The following MICU1 variants were observed in gnomAD, a reference collection of about 807,000 sequenced individuals.
MICU1 encodes the protein mitochondrial calcium uptake 1.
In MICU1, 45 loss-of-function variants were observed where a neutral mutation model predicts 56.8. That is an observed-to-expected ratio of 0.79 (90% CI 0.62 to 1.02). The LOEUF (loss-of-function observed/expected upper bound fraction) is 1.02. Ranked by LOEUF, MICU1 falls within the 50% of genes least tolerant of loss-of-function variation. MICU1 has a pLI of 0.00. For synonymous variants in MICU1, 186 were observed against 195.1 expected, an observed-to-expected ratio of 0.95 and a Z score of 0.39; for missense variants, 504 against 587.1, an observed-to-expected ratio of 0.86 and a Z score of 1.46.
In MICU1 at chr10:72,546,840, C is replaced by T. The variant is rs541667308; in HGVS notation, c.493+4339G>A. On this transcript the variant is annotated intron_variant, in intron 4 of 11. Transcript: ENST00000361114. ...TCCTGGGTTCAAGTGATCCCTCCAC[C>T]TCAGCCTCCCAAGTAGCTGAGACTA... is the stretch of plus-strand genomic sequence containing the variant. Among the ~76,000 whole-genome samples the T allele has an allele frequency of 1.4e-4, 22 of 152,206 alleles. No individual in the cohort carries two copies. The East Asian group carries it at 3.7e-3, about 25-fold the overall frequency.
chr10:72,479,295 TTAAAA>T (rs1186848413), intron 6 of MICU1, among the ~76,000 whole-genome samples: 1 of 152,174 alleles, frequency 6.6e-6, no homozygotes, highest in Non-Finnish European at 1.5e-5. Flanking sequence ...ATAGAGGTAC[TTAAAA>T]TGATAAACAC....
chr10:72,599,202 C>T (rs1283503772), intron 1 of MICU1, among the ~76,000 whole-genome samples: 3 of 152,160 alleles, frequency 2.0e-5, no homozygotes, highest in Non-Finnish European at 4.4e-5. Flanking sequence ...TAACACAAAG[C>T]ATTCCTAAAC....
intron 3 of MICU1, among the ~76,000 whole-genome samples, chr10:72,560,908 A>G (rs1355234134): frequency 6.6e-6 from 1 of 152,214 alleles, no homozygotes; most frequent in Admixed American, 6.5e-5. Context: ...TGGCATAAAA[A>G]TGTGGTTTAT....
intron 9 of MICU1, among the ~76,000 whole-genome samples, chr10:72,413,715 CAGAGGGAGA>C (rs1863896331): frequency 6.6e-6 from 1 of 151,798 alleles, no homozygotes; most frequent in Non-Finnish European, 1.5e-5. Flanking sequence ...GCCTGGGCGA[CAGAGGGAGA>C]CCCTGTCTCA....
chr10:72,551,360 A>G lies in MICU1; in HGVS notation c.331-19T>C, dbSNP rs756145980. ...CCATCACCTAAAGTTAGAAATTTAG[A>G]AAGTGTTACTATATTAAGCAATGCT... is the stretch of plus-strand genomic sequence containing the variant. On this transcript the variant is annotated intron_variant, in intron 3 of 11. Coordinates refer to ENST00000361114, the MANE Select transcript of MICU1 (RefSeq NM_001195518.2). 5.7e-6 allele frequency: 9 copies of G among 1,587,126 alleles called. No individual in the cohort carries two copies. The highest frequency in any genetic ancestry group is 7.7e-6 in the Non-Finnish European group (9 of 1,165,410).
intron 1 of MICU1, among the ~76,000 whole-genome samples, chr10:72,596,687 AC>A: frequency 6.6e-6 from 1 of 151,496 alleles, no homozygotes; most frequent in Admixed American, 6.6e-5. Flanking sequence ...ACCCTGGCCA[AC>A]ATGGTGAAAC....
intron 6 of MICU1, chr10:72,501,851 T>G (rs1867078344): frequency 6.6e-6 from 1 of 152,172 alleles, no homozygotes; most frequent in South Asian, 2.1e-4. Context: ...AAACTCTTAT[T>G]TAGAAAAACC....
intron 1 of MICU1, among the ~76,000 whole-genome samples, chr10:72,577,375 G>A (rs1840775410): frequency 6.6e-6 from 1 of 152,180 alleles, no homozygotes; most frequent in East Asian, 1.9e-4. Flanking sequence ...CAGGCATGGT[G>A]GCACATGCCT....
chr10:72,573,162 A>G (rs147112118), intron 1 of MICU1, among the ~76,000 whole-genome samples: 1 of 152,176 alleles, frequency 6.6e-6, no homozygotes, highest in East Asian at 1.9e-4. Context: ...AAAAAAGTTC[A>G]TAGTGTTATC....
chr10:72,529,946 C>CTTTTTT lies in MICU1; in HGVS notation c.537+3794_537+3799dup, dbSNP rs11338457. On this transcript the variant is annotated intron_variant, in intron 5 of 11. Transcript: ENST00000361114. ...AATACATGGATACTAGGGGAAGGTG[C>CTTTTTT]TTTTTTTTTTTTTTTTTTTTTTTCT... Among the ~76,000 whole-genome samples, 271 of 100,802 alleles carry CTTTTTT rather than the reference C, an allele frequency of 2.7e-3. 2 individuals are homozygous for CTTTTTT. Among genetic ancestry groups the CTTTTTT allele is most frequent in the African/African-American group, 3.7e-3 (100 of 26,712 alleles). The allele number at this position is 100,802 out of a possible 152,430, so 66.1% of individuals were successfully genotyped here.
At chr10:72,377,403 A>G (rs1862560670) in intron 10 of MICU1, among the ~76,000 whole-genome samples, 1 of 152,094 alleles carries the variant, frequency 6.6e-6, no homozygotes, top group Non-Finnish European at 1.5e-5. Flanking sequence ...TACAGGGGTG[A>G]GCCACCACAC....
intron 5 of MICU1, chr10:72,524,612 G>T: frequency 1.7e-6 from 1 of 575,380 alleles, no homozygotes; most frequent in Non-Finnish European, 2.6e-6. Context: ...TGACAGGAAC[G>T]AAATCATTCT....
At chr10:72,500,282 A>ATT (rs1463973429) in intron 6 of MICU1, among the ~76,000 whole-genome samples, 1,522 of 13,784 alleles carry the variant, frequency 0.11, 72 homozygotes, top group African/African-American at 0.19. Flanking sequence ...ATATATATAT[A>ATT]TATATATATA....
In MICU1 at chr10:72,551,257, C is replaced by T. The variant is rs1414013668; in HGVS notation, c.415G>A (p.Glu139Lys). 1.9e-6 allele frequency: 3 copies of T among 1,613,360 alleles called. No homozygotes were observed. In the African/African-American group the frequency reaches 4.0e-5, roughly 22 times the overall value. Residue 139 changes from glutamate to lysine, a missense_variant, in exon 4 of 12, where the codon GAG becomes AAG. Glu to Lys is a moderately conservative substitution (Grantham distance 56). Transcript: ENST00000361114. Reference protein sequence around the residue: ...RYFATLKVISEPGEAEVFMTP... With the variant: ...RYFATLKVISKPGEAEVFMTP... The stretch of plus-strand genomic sequence containing the variant: ...ATAAACACTTCTGCTTCACCAGGCT[C>T]ACTGATGACTTTCAAGGTGGCAAAA...
At chr10:72,491,324 A>C (rs1866648042) in intron 6 of MICU1, among the ~76,000 whole-genome samples, 1 of 152,218 alleles carries the variant, frequency 6.6e-6, no homozygotes, top group Non-Finnish European at 1.5e-5. Flanking sequence ...GTTGGAAAGA[A>C]ACTATTTAAG....
At chr10:72,479,833 T>C (rs1334523152) in intron 6 of MICU1, among the ~76,000 whole-genome samples, 1 of 152,204 alleles carries the variant, frequency 6.6e-6, no homozygotes, top group Non-Finnish European at 1.5e-5. Context: ...GGCTGGTTTG[T>C]CATGTTTTTT....
chr10:72,369,800 C>G (rs1304292427), intron 11 of MICU1, among the ~76,000 whole-genome samples: 4 of 152,114 alleles, frequency 2.6e-5, no homozygotes, highest in Non-Finnish European at 5.9e-5. Flanking sequence ...CCTCCGCCTC[C>G]CAGGTTCAAG....
chr10:72,446,397 C>T (rs1354693463), intron 8 of MICU1, among the ~76,000 whole-genome samples: 2 of 151,400 alleles, frequency 1.3e-5, no homozygotes, highest in Non-Finnish European at 2.9e-5. Context: ...GTGGTGTGAT[C>T]TCGGCTCACT....
intron 8 of MICU1, among the ~76,000 whole-genome samples, chr10:72,472,519 T>C (rs1035006988): frequency 1.3e-5 from 2 of 152,024 alleles, no homozygotes; most frequent in African/African-American, 4.8e-5. Flanking sequence ...TCTATCCAGC[T>C]GTGCAAGGAA....
Sources: gnomAD v4.1 joint callset for allele counts (sites outside exome capture counted in the v4.1 genomes callset) on GRCh38, gnomAD v4.1.1 for gene constraint, MANE v1.5 for transcripts, NCBI Gene and HGNC (gene_info 2026-07-23, HGNC 2026-07-21) for gene names.